The following SGSM2 variants were observed in gnomAD, a reference collection of about 807,000 sequenced individuals.
The protein encoded by SGSM2 is RUN and TBC1 domain containing 1.
A neutral mutation model predicts 126.6 loss-of-function variants in SGSM2; 89 were observed. That is an observed-to-expected ratio of 0.70 (90% confidence interval 0.59 to 0.84). The LOEUF (loss-of-function observed/expected upper bound fraction) is 0.84. Among genes scored for constraint, SGSM2 ranks in the 40% least tolerant of loss-of-function variants. The pLI, the probability that SGSM2 is intolerant of heterozygous loss-of-function variation, is 0.00. For missense variants in SGSM2, 1,404 were observed against 1,416.6 expected, an observed-to-expected ratio of 0.99 and a Z score of 0.14; for synonymous variants, 614 against 574.3, an observed-to-expected ratio of 1.07 and a Z score of -0.99.
At chr17:2,359,889 C>T (rs1014506725) in intron 2 of SGSM2, among the ~76,000 whole-genome samples, 6 of 152,148 alleles carry the variant, frequency 3.9e-5, no homozygotes, top group African/African-American at 1.4e-4. Context: ...AGGAAATGAT[C>T]ACCCCCTTTC....
intron 2 of SGSM2, among the ~76,000 whole-genome samples, chr17:2,349,372 C>CA (rs2064749416): frequency 1.1e-5 from 1 of 90,436 alleles, no homozygotes; most frequent in Admixed American, 1.1e-4. Flanking sequence ...GAGACTTGGT[C>CA]TAAAAAAAAA....
chr17:2,379,866 G>A lies in SGSM2; in HGVS notation c.*346G>A. On this transcript the variant is annotated 3_prime_UTR_variant, in exon 24 of 24. Coordinates refer to ENST00000268989, the MANE Select transcript of SGSM2 (RefSeq NM_014853.3). ...CACGAGTGAACCTGGGGCCCCACAG[G>A]ATTAACAGGGGCTATAGCGGCCTGG... 7.7e-7 allele frequency: 1 copy of A among 1,306,362 alleles called. No individual in the cohort carries two copies. Among genetic ancestry groups the A allele is most frequent in the Non-Finnish European group, 9.8e-7 (1 of 1,021,652 alleles). The allele number at this position is 1,306,362 out of a possible 1,614,324, so 80.9% of individuals were successfully genotyped here.
chr17:2,369,570 C>A (rs1309250856), intron 12 of SGSM2, among the ~76,000 whole-genome samples: 1 of 152,176 alleles, frequency 6.6e-6, no homozygotes, highest in East Asian at 1.9e-4. Flanking sequence ...AGACAGTGTT[C>A]GAATGTGGCT....
At chr17:2,378,705 C>T (rs146119177) in intron 22 of SGSM2, among the ~76,000 whole-genome samples, 57 of 152,198 alleles carry the variant, frequency 3.7e-4, no homozygotes, top group Non-Finnish European at 2.9e-4. Context: ...GACAGCTGCC[C>T]GGCTGAAGTG....
intron 2 of SGSM2, among the ~76,000 whole-genome samples, chr17:2,349,788 G>GT (rs2064768780): frequency 2.7e-5 from 4 of 147,516 alleles, no homozygotes; most frequent in African/African-American, 1.0e-4. Context: ...CTAGTGAAAT[G>GT]TTTTGTTTTT....
At chr17:2,349,538 A>G (rs555909667) in intron 2 of SGSM2, among the ~76,000 whole-genome samples, 20 of 152,294 alleles carry the variant, frequency 1.3e-4, no homozygotes, top group African/African-American at 4.6e-4. Context: ...AGGAATTGTT[A>G]CCAATTTTGT....
chr17:2,379,285 T>C, intron 23 of SGSM2, 82 bp downstream of exon 23: 1 of 1,570,990 alleles, frequency 6.4e-7, no homozygotes, highest in Non-Finnish European at 8.7e-7. Context: ...AGCTGGAGGG[T>C]TCTCAGGAAT....
In SGSM2 at chr17:2,337,671, G is replaced by C; in HGVS notation, c.-18G>C. ...GCGGGGGCTCTGAGGACCGCTCGGC[G>C]CCGCCTCCTGCCACACCATGGGCAG... On this transcript the variant is annotated 5_prime_UTR_variant, in exon 1 of 24. Transcript: ENST00000268989. This position sits in a 1 kb window ranked among gnomAD's most constrained non-coding sequence, Gnocchi z 5.1. 4 of 1,465,556 alleles carry C rather than the reference G, an allele frequency of 2.7e-6. No individual in the cohort carries two copies. Among genetic ancestry groups the C allele is most frequent in the Non-Finnish European group, 3.6e-6 (4 of 1,098,108 alleles). The allele number at this position is 1,465,556 out of a possible 1,614,324, so 90.8% of individuals were successfully genotyped here.
At chr17:2,373,620 C>A in intron 17 of SGSM2, 107 bp downstream of exon 17, 1 of 1,002,278 alleles carries the variant, frequency 1.0e-6, no homozygotes, top group Non-Finnish European at 1.5e-6. Context: ...TGGGGCCCTG[C>A]GAGAAAGGCC....
chr17:2,354,529 A>G (rs548139855), intron 2 of SGSM2, among the ~76,000 whole-genome samples: 68 of 152,298 alleles, frequency 4.5e-4, no homozygotes, highest in African/African-American at 1.6e-3. Flanking sequence ...GAGATGTACC[A>G]TATTTACTTC....
intron 12 of SGSM2, among the ~76,000 whole-genome samples, chr17:2,370,467 G>A (rs982419715): frequency 7.4e-6 from 1 of 134,476 alleles, no homozygotes; most frequent in East Asian, 2.4e-4. Flanking sequence ...AACTGGGCCT[G>A]TTCTTCTCTG....
At position 2,365,362 on chromosome 17, in the gene SGSM2, C is replaced by T. The variant is rs112641648; in HGVS notation, c.1288+21C>T. ...GCACAGTGAGTGTCCCGAGCTTCAT[C>T]CCGGGGGAGGAGAGGAAGACGCTCT... On this transcript the variant is annotated intron_variant, in intron 11 of 23. Transcript: ENST00000268989. The T allele has an allele frequency of 2.8e-5, 43 of 1,520,370 alleles. 2 individuals carry two copies. The African/African-American group carries it at 3.6e-4, about 13-fold the overall frequency. 94.2% of individuals were successfully genotyped at this position (1,520,370 alleles called of 1,614,324 possible). A position where few individuals can be genotyped will look rare whatever the true frequency, so the allele number is the denominator to read the frequency against.
chr17:2,339,012 T>A (rs527675063), intron 1 of SGSM2, among the ~76,000 whole-genome samples: 93 of 151,272 alleles, frequency 6.1e-4, no homozygotes, highest in African/African-American at 2.2e-3. Flanking sequence ...TGAGCCGATA[T>A]TGTGCCACTG....
At chr17:2,376,579 C>T (rs528859255) in intron 19 of SGSM2, 154 bp from the exon 20 acceptor site, 8 of 852,432 alleles carry the variant, frequency 9.4e-6, no homozygotes, top group Middle Eastern at 3.4e-4. Context: ...GGTTGTTCCC[C>T]GTTGTCTCCC....
chr17:2,349,881 G>A (rs982828317), intron 2 of SGSM2, among the ~76,000 whole-genome samples: 7 of 151,146 alleles, frequency 4.6e-5, no homozygotes, highest in South Asian at 2.1e-4. Flanking sequence ...TCCGCCTCCC[G>A]GGTTCACACC....
Position 2,367,485 on chromosome 17 carries a change from C to G in SGSM2, c.1423+80C>G. The G allele has an allele frequency of 2.0e-6, 3 of 1,492,178 alleles. No homozygotes were observed. Among genetic ancestry groups the G allele is most frequent in the East Asian group, 4.6e-5 (2 of 43,172 alleles). 92.4% of individuals were successfully genotyped at this position (1,492,178 alleles called of 1,614,324 possible). A position where few individuals can be genotyped will look rare whatever the true frequency, so the allele number is the denominator to read the frequency against. On this transcript the variant is annotated intron_variant, in intron 12 of 23. Transcript: ENST00000268989. This position sits in a 1 kb window ranked among gnomAD's most constrained non-coding sequence, Gnocchi z 4.0. The stretch of plus-strand genomic sequence containing the variant: ...CCGCCTGCCACCCACCACAGGGGTT[C>G]GAACGGCAGTGTTGGCATTAGGGGA...
At chr17:2,354,660 A>G (rs2151526202) in intron 2 of SGSM2, among the ~76,000 whole-genome samples, 1 of 152,324 alleles carries the variant, frequency 6.6e-6, no homozygotes, top group Non-Finnish European at 1.5e-5. Flanking sequence ...ATCAGAGGTT[A>G]TTTGCAGCAT....
chr17:2,354,540 A>G (rs9906730), intron 2 of SGSM2, among the ~76,000 whole-genome samples: 1 of 152,096 alleles, frequency 6.6e-6, no homozygotes, highest in Non-Finnish European at 1.5e-5. Context: ...TATTTACTTC[A>G]CCTGTCCCCT....
chr17:2,359,286 G>A (rs944402598), intron 2 of SGSM2, among the ~76,000 whole-genome samples: 6 of 152,242 alleles, frequency 3.9e-5, no homozygotes, highest in East Asian at 1.9e-4. Context: ...CACTGCACGC[G>A]ATAACATATT....
Sources: allele counts gnomAD v4.1 joint callset (sites outside exome capture counted in the v4.1 genomes callset), GRCh38; gene constraint gnomAD v4.1.1; non-coding constraint Gnocchi (gnomAD v3.1); transcripts MANE v1.5; gene names NCBI Gene and HGNC (gene_info 2026-07-23, HGNC 2026-07-21).